Variants in TPR observed in about 807,000 individuals in gnomAD.
TPR encodes translocated promoter region, nuclear basket protein, also known as nucleoprotein TPR.
Under a neutral mutation model 316.1 loss-of-function variants are expected in TPR, and 51 were observed. The observed-to-expected ratio is 0.16, with a 90% CI of 0.13 to 0.20. TPR has a LOEUF of 0.20. Among genes scored for constraint, TPR ranks in the 10% least tolerant of loss-of-function variants. The probability of loss-of-function intolerance (pLI) is 1.00; values close to 1 mark genes in which losing one functional copy is unlikely to be tolerated. For synonymous variants in TPR, 981 were observed against 914.7 expected (o/e 1.07, Z -1.31); for missense variants, 2,272 against 2,754.8 (o/e 0.82, Z 3.92).
At position 186,313,583 on chromosome 1, in the gene TPR, A is replaced by G; in HGVS notation, c.*388T>C. 1.3e-6 allele frequency: 1 copy of G among 765,800 alleles called. No individual in the cohort carries two copies. The highest frequency in any genetic ancestry group is 2.3e-6 in the Non-Finnish European group (1 of 431,834). The allele number at this position is 765,800 out of a possible 1,614,324, so 47.4% of individuals were successfully genotyped here. On this transcript the variant is annotated 3_prime_UTR_variant, in exon 51 of 51. Coordinates refer to ENST00000367478, the MANE Select transcript of TPR (RefSeq NM_003292.3). ...TAGTAAAAACATCTCTATTAAAATG[A>G]TAAACATTGTCTTTGAGCATAATAG...
intron 17 of TPR, among the ~76,000 whole-genome samples, chr1:186,354,482 T>G (rs1165760223): frequency 1.3e-5 from 2 of 152,158 alleles, no homozygotes; most frequent in East Asian, 3.9e-4. Flanking sequence ...AATGGCTGGC[T>G]AGAGGTATCA....
In TPR at chr1:186,364,382, T is replaced by TA. The variant is rs1436701648; in HGVS notation, c.428-938dup. Among the ~76,000 whole-genome samples the TA allele has an allele frequency of 1.1e-3, 155 of 142,032 alleles. 1 individual carries two copies. The highest frequency in any genetic ancestry group is 7.2e-3 in the South Asian group (32 of 4,470). 93.2% of individuals were successfully genotyped at this position (142,032 alleles called of 152,430 possible). A position where few individuals can be genotyped will look rare whatever the true frequency, so the allele number is the denominator to read the frequency against. On this transcript the variant is annotated intron_variant, in intron 4 of 50. Coordinates refer to ENST00000367478, the MANE Select transcript of TPR (RefSeq NM_003292.3). ...TGAATCCAGTATATGGACCGTTGTT[T>TA]AAAAAAAAAAAAAGAAATAAAAAGA...
In TPR at chr1:186,320,353, C is replaced by T. The variant is rs746203522; in HGVS notation, c.6527G>A (p.Ser2176Asn). 6 of 1,613,202 alleles carry T rather than the reference C, an allele frequency of 3.7e-6. No homozygotes were observed. In the South Asian group the frequency reaches 4.4e-5, roughly 12 times the overall value. Residue 2176 changes from serine to asparagine, a missense_variant, in exon 46 of 51, where the codon AGT (serine) becomes AAT (asparagine). Around this residue, in one of 10 missense-constraint regions of TPR, gnomAD observed 88 missense variants for 176.2 expected, o/e 0.50. Transcript: ENST00000367478. The stretch of plus-strand genomic sequence containing the variant: ...CTGGCCAAGATCAGAGTGACTAGAA[C>T]TTGTTTGTGGCATATCTTCAGGTGG... ...FGPPEDMPQT[S>N]SSHSDLGQLA...
intron 30 of TPR, 67 bp downstream of exon 30, chr1:186,339,574 GA>G (rs1658445388): frequency 7.7e-7 from 1 of 1,295,846 alleles, no homozygotes; most frequent in South Asian, 2.2e-5. Flanking sequence ...GGCACTTGGG[GA>G]GTCATGTAAA....
rs559168618 is a variant in TPR at position 186,351,455 on chromosome 1, A to T, written c.2485T>A (p.Ser829Thr). 1.2e-6 allele frequency: 2 copies of T among 1,609,192 alleles called. No homozygotes were observed. The highest frequency in any genetic ancestry group is 2.7e-5 in the African/African-American group (2 of 74,872). Residue 829 changes from serine (S) to threonine (T), a missense_variant, in exon 20 of 51, where the codon TCT (serine) becomes ACT (threonine). By Grantham distance (58) the Ser-to-Thr change is moderately conservative. Transcript: ENST00000367478. ...AGCCTTTGTTTGGTTTCTGTTTCAG[A>T]TCGCTCCAGTATTCCCTAAAGCAAA... ...LQTIQGILERSETETKQRLSS... is the reference protein window; with the variant it reads ...LQTIQGILERTETETKQRLSS...
intron 20 of TPR, 59 bp downstream of exon 20, chr1:186,351,271 A>G: frequency 1.3e-6 from 2 of 1,502,998 alleles, no homozygotes; most frequent in Non-Finnish European, 1.8e-6. Flanking sequence ...CTGTCCACAC[A>G]CCAGATTAAT....
At chr1:186,335,917 T>C (rs191099293) in intron 33 of TPR, among the ~76,000 whole-genome samples, 7 of 152,196 alleles carry the variant, frequency 4.6e-5, no homozygotes, top group Admixed American at 2.6e-4. Context: ...ACTTTTAAAA[T>C]CAAGTAAGTT....
At position 186,375,145 on chromosome 1, in the gene TPR, G is replaced by A. The variant is rs1310440351; in HGVS notation, c.-117C>T. ...GCCGCCTCTATCACCTCGCTCGGTG[G>A]CTCGCGCGCGCCCGCCCGCCGGAGA... On this transcript the variant is annotated 5_prime_UTR_variant, in exon 1 of 51. Transcript: ENST00000367478. 3 of 1,547,966 alleles carry A rather than the reference G, an allele frequency of 1.9e-6. No homozygotes were observed. In the Admixed American group the frequency reaches 5.9e-5, roughly 31 times the overall value.
rs932844027 is a variant in TPR, at chr1:186,337,236, A to G, written c.4363-80T>C. The G allele has an allele frequency of 2.4e-5, 36 of 1,479,318 alleles. No homozygotes were observed. The African/African-American group carries it at 4.7e-4, about 19-fold the overall frequency. 91.6% of individuals were successfully genotyped at this position (1,479,318 alleles called of 1,614,324 possible). A position where few individuals can be genotyped will look rare whatever the true frequency, so the allele number is the denominator to read the frequency against. The stretch of plus-strand genomic sequence containing the variant: ...TTCTGCAAGTTTGTCTAAGAAAATA[A>G]TCACAGCTTTGCAAAGAAATTTTAT... On this transcript the variant is annotated intron_variant, in intron 31 of 50. Coordinates refer to ENST00000367478, the MANE Select transcript of TPR (RefSeq NM_003292.3).
chr1:186,352,108 T>C lies in TPR; in HGVS notation c.2337A>G (p.Val779=). ...GANEKLAVAE[V]RAENLKKEKE... is the part of the protein sequence containing the mutation. ...TTTCCTTCTTCAAATTTTCTGCTCT[T>C]ACCTAAACATAAGTAGAAATGAAAT... The change falls in exon 19 of 51, where the codon GTA becomes GTG. Residue 779 remains valine, a splice_region_variant and synonymous_variant. Transcript: ENST00000367478. 2.5e-6 allele frequency: 4 copies of C among 1,593,730 alleles called. No individual in the cohort carries two copies. The highest frequency in any genetic ancestry group is 3.4e-6 in the Non-Finnish European group (4 of 1,174,142).
intron 29 of TPR, among the ~76,000 whole-genome samples, chr1:186,340,562 G>T (rs1658482156): frequency 6.6e-6 from 1 of 151,814 alleles, no homozygotes; most frequent in African/African-American, 2.4e-5. Context: ...CTCCCAAGTA[G>T]ATGGGACTAC....
intron 49 of TPR, among the ~76,000 whole-genome samples, chr1:186,316,853 G>GT (rs1657627706): frequency 6.6e-6 from 1 of 152,224 alleles, no homozygotes; most frequent in South Asian, 2.1e-4. Flanking sequence ...ATGATACACA[G>GT]TTAAGTGTTC....
At position 186,374,923 on chromosome 1, in the gene TPR, T is replaced by C; in HGVS notation, c.106A>G (p.Ile36Val). The change falls in exon 1 of 51, where the codon ATC (isoleucine) becomes GTC (valine). Residue 36 changes from isoleucine (I) to valine (V), a missense_variant. Coordinates refer to ENST00000367478, the MANE Select transcript of TPR (RefSeq NM_003292.3). ...EKFLADQQSE[I>V]DGLKGRHEKF... ...TCATGCCGCCCCTTCAGGCCATCGATCTCGGATTGCTGATCAGCAAGGAAC... is the reference window on the plus strand; with the variant it reads ...TCATGCCGCCCCTTCAGGCCATCGACCTCGGATTGCTGATCAGCAAGGAAC... The C allele has an allele frequency of 1.9e-6, 3 of 1,605,740 alleles. No homozygotes were observed. The highest frequency in any genetic ancestry group is 2.6e-6 in the Non-Finnish European group (3 of 1,173,108).
chr1:186,374,875 T>C lies in TPR; in HGVS notation c.151+3A>G, dbSNP rs1440440498. 3 of 1,593,344 alleles carry C rather than the reference T, an allele frequency of 1.9e-6. No individual in the cohort carries two copies. Among genetic ancestry groups the C allele is most frequent in the Non-Finnish European group, 2.6e-6 (3 of 1,163,416 alleles). On this transcript the variant is annotated splice_donor_region_variant and intron_variant, in intron 1 of 50. Transcript: ENST00000367478. The stretch of plus-strand genomic sequence containing the variant: ...CCAAGGACGGAAAGAGCATCTCACT[T>C]ACCGCTCTCCACCTTAAATTTCTCA...
rs754810079 is a variant in TPR at position 186,374,996 on chromosome 1, G to A, written c.33C>T (p.Arg11=). The A allele has an allele frequency of 1.2e-6, 2 of 1,614,100 alleles. No homozygotes were observed. The highest frequency in any genetic ancestry group is 2.2e-5 in the East Asian group (1 of 44,868). Residue 11 remains arginine, a synonymous_variant, in exon 1 of 51, where the codon CGC becomes CGT. Coordinates refer to ENST00000367478, the MANE Select transcript of TPR (RefSeq NM_003292.3). ...ACTTGGGCAGCTTGTTCAGCTCCGT[G>A]CGCTCCAGGACTTGCTGCAACACCG... The part of the protein sequence containing the change: MAAVLQQVLE[R]TELNKLPKSV...
intron 21 of TPR, among the ~76,000 whole-genome samples, chr1:186,348,959 T>G (rs10911850): frequency 4.8e-4 from 73 of 152,270 alleles, no homozygotes; most frequent in African/African-American, 1.7e-3. Flanking sequence ...TTTATATGGA[T>G]CAGATATTTA....
At chr1:186,365,905 G>A (rs1481313714) in intron 4 of TPR, among the ~76,000 whole-genome samples, 3 of 152,186 alleles carry the variant, frequency 2.0e-5, no homozygotes, top group Non-Finnish European at 4.4e-5. Context: ...GAAGATGACT[G>A]GATGGAGATG....
At chr1:186,343,295 C>A in intron 27 of TPR, 31 bp downstream of exon 27, 1 of 1,590,734 alleles carries the variant, frequency 6.3e-7, no homozygotes, top group Non-Finnish European at 8.5e-7. Flanking sequence ...TTTGATTTAA[C>A]AAGTGCTTTC....
rs774722979 is a variant in TPR, at chr1:186,344,558, A to G, written c.3234T>C (p.Ala1078=). Residue 1078 remains alanine, a synonymous_variant, in exon 25 of 51, where the codon GCT becomes GCC. Transcript: ENST00000367478. ...TCAATTCTCTCTCATACTTATTCTG[A>G]GCTTCCACAGCTATTTTAGCCTATA... The part of the protein sequence containing the change: ...CQEQAKIAVE[A]QNKYERELML... 1.9e-6 allele frequency: 3 copies of G among 1,565,226 alleles called. No individual in the cohort carries two copies. The highest frequency in any genetic ancestry group is 2.6e-6 in the Non-Finnish European group (3 of 1,157,784).
Sources: gnomAD v4.1 joint callset for allele counts (sites outside exome capture counted in the v4.1 genomes callset) on GRCh38, gnomAD v4.1.1 for gene constraint, gnomAD v4.1.1 regional missense constraint, MANE v1.5 for transcripts, NCBI Gene and HGNC (gene_info 2026-07-23, HGNC 2026-07-21) for gene names.